The following PKIA variants were observed in gnomAD, a reference collection of about 807,000 sequenced individuals.
PKIA encodes PKI-alpha.
PKIA carries 4 observed loss-of-function variants against 7.6 expected under a neutral mutation model. That is an observed-to-expected ratio of 0.52 (90% CI 0.26 to 1.20). PKIA has a LOEUF of 1.20. Among genes scored for constraint, PKIA ranks in the 50% most tolerant of loss-of-function variants. The pLI, the probability that PKIA is intolerant of heterozygous loss-of-function variation, is 0.13. For missense variants in PKIA, 73 were observed against 86.2 expected, an observed-to-expected ratio of 0.85 and a Z score of 0.61; for synonymous variants, 21 against 30.7, an observed-to-expected ratio of 0.68 and a Z score of 1.04.
At chr8:78,574,617 A>G (rs897037871) in intron 2 of PKIA, among the ~76,000 whole-genome samples, 4 of 152,004 alleles carry the variant, frequency 2.6e-5, no homozygotes, top group Admixed American at 2.0e-4. Flanking sequence ...GTGATCTAAA[A>G]TAGCACACTG....
chr8:78,534,156 A>AT (rs1806459721), intron 1 of PKIA: 2 of 152,098 alleles, frequency 1.3e-5, no homozygotes. Context: ...GTGTTTTCAA[A>AT]ATTAGGTTAT....
intron 2 of PKIA, among the ~76,000 whole-genome samples, chr8:78,576,013 G>A (rs183890329): frequency 1.5e-3 from 235 of 152,004 alleles, no homozygotes; most frequent in African/African-American, 4.9e-3. Flanking sequence ...TGGCTTTTTC[G>A]CTGTTTGCAC....
intron 1 of PKIA, among the ~76,000 whole-genome samples, chr8:78,529,889 C>T (rs912777771): frequency 7.7e-5 from 8 of 103,778 alleles, no homozygotes; most frequent in South Asian, 2.9e-4. Context: ...AGTGAGATCA[C>T]GTTATTTCCA....
At chr8:78,579,100 A>C in intron 2 of PKIA, among the ~76,000 whole-genome samples, 1 of 151,400 alleles carries the variant, frequency 6.6e-6, no homozygotes, top group Non-Finnish European at 1.5e-5. Flanking sequence ...TCCATAAGAA[A>C]CTCTTTCCAC....
At chr8:78,582,173 GTTTTT>G (rs112095411) in intron 2 of PKIA, among the ~76,000 whole-genome samples, 1 of 129,704 alleles carries the variant, frequency 7.7e-6, no homozygotes, top group Non-Finnish European at 1.7e-5. Flanking sequence ...AATATTTCGT[GTTTTT>G]TTTTTTTTTT....
chr8:78,590,939 C>T (rs751364489), intron 2 of PKIA, among the ~76,000 whole-genome samples: 3 of 152,192 alleles, frequency 2.0e-5, no homozygotes, highest in Non-Finnish European at 4.4e-5. Flanking sequence ...TTTAAACATA[C>T]TTCCCATGAT....
At chr8:78,591,877 A>G (rs186283229) in intron 2 of PKIA, among the ~76,000 whole-genome samples, 7 of 152,262 alleles carry the variant, frequency 4.6e-5, no homozygotes, top group African/African-American at 1.4e-4. Context: ...GATTATTTTT[A>G]TAAAGTCAGA....
In PKIA at chr8:78,552,097, G is replaced by A. The variant is rs528076573; in HGVS notation, c.-156-20714G>A. Among the ~76,000 whole-genome samples the A allele has an allele frequency of 4.0e-5, 6 of 151,846 alleles. No homozygotes were observed. In the East Asian group the frequency reaches 1.2e-3, roughly 29 times the overall value. ...TGTCTGGAACAAGAGCAAGCAAAGT[G>A]GAGAGAATTTAATTAACAATTTAGT... On this transcript the variant is annotated intron_variant, in intron 1 of 3. Coordinates refer to ENST00000396418, the MANE Select transcript of PKIA (RefSeq NM_006823.4).
chr8:78,546,781 T>C (rs1806835275), intron 1 of PKIA, among the ~76,000 whole-genome samples: 1 of 152,222 alleles, frequency 6.6e-6, no homozygotes. Context: ...CCAGTAAAAC[T>C]AGTCTTTTTC....
chr8:78,588,705 A>T (rs916295394), intron 2 of PKIA, among the ~76,000 whole-genome samples: 4 of 152,160 alleles, frequency 2.6e-5, no homozygotes, highest in African/African-American at 9.7e-5. Context: ...CAGTCCTCCT[A>T]AGTTAATAGA....
intron 1 of PKIA, among the ~76,000 whole-genome samples, chr8:78,528,346 A>T (rs1187332875): frequency 6.6e-6 from 1 of 152,092 alleles, no homozygotes; most frequent in Non-Finnish European, 1.5e-5. Context: ...TAACACTATT[A>T]TACAGAGGCT....
chr8:78,577,192 G>T (rs887074616), intron 2 of PKIA, among the ~76,000 whole-genome samples: 2 of 151,880 alleles, frequency 1.3e-5, no homozygotes, highest in Admixed American at 6.6e-5. Flanking sequence ...TGCCATGTTG[G>T]TGTGCTGCAC....
At chr8:78,523,956 A>ATATAAATATATAAACATTTATATT (rs1276876669) in intron 1 of PKIA, among the ~76,000 whole-genome samples, 3 of 139,604 alleles carry the variant, frequency 2.1e-5, no homozygotes, top group Non-Finnish European at 4.6e-5. Flanking sequence ...TTATATTTAT[A>ATATAAATATATAAACATTTATATT]TATAAATATA....
At chr8:78,521,221 G>T (rs1050655268) in intron 1 of PKIA, among the ~76,000 whole-genome samples, 1 of 152,062 alleles carries the variant, frequency 6.6e-6, no homozygotes, top group African/African-American at 2.4e-5. Context: ...AATATATTCA[G>T]TTCTCTTAGG....
intron 1 of PKIA, among the ~76,000 whole-genome samples, chr8:78,527,590 A>G (rs1057478480): frequency 2.0e-5 from 3 of 152,030 alleles, no homozygotes; most frequent in African/African-American, 7.2e-5. Context: ...TTAAGATTTT[A>G]AAGTGATTTA....
At chr8:78,561,937 A>G (rs1807295739) in intron 1 of PKIA, among the ~76,000 whole-genome samples, 1 of 152,092 alleles carries the variant, frequency 6.6e-6, no homozygotes, top group Non-Finnish European at 1.5e-5. Flanking sequence ...AACATATAAT[A>G]GTTCTTCAGC....
At chr8:78,597,926 C>T (rs1808262474) in intron 2 of PKIA, among the ~76,000 whole-genome samples, 1 of 151,794 alleles carries the variant, frequency 6.6e-6, no homozygotes, top group South Asian at 2.1e-4. Flanking sequence ...GAGCTGAAGG[C>T]CATTATCCTA....
intron 1 of PKIA, among the ~76,000 whole-genome samples, chr8:78,524,176 TTA>T (rs1809493772): frequency 7.3e-6 from 1 of 136,930 alleles, no homozygotes; most frequent in Admixed American, 7.5e-5. Context: ...GTATAAACAT[TTA>T]TATTTATATA....
At chr8:78,561,049 G>A (rs118020403) in intron 1 of PKIA, among the ~76,000 whole-genome samples, 5,543 of 152,164 alleles carry the variant, frequency 0.036, 152 homozygotes, top group South Asian at 0.07. Flanking sequence ...AACATGAGAC[G>A]TGGTATATCA....
Sources: allele counts gnomAD v4.1 joint callset (sites outside exome capture counted in the v4.1 genomes callset), GRCh38; gene constraint gnomAD v4.1.1; transcripts MANE v1.5; gene names NCBI Gene and HGNC (gene_info 2026-07-23, HGNC 2026-07-21).